The following MYO16 variants were observed in gnomAD, a reference collection of about 807,000 sequenced individuals.
The protein encoded by MYO16 is myosin XVI.
Under a neutral mutation model 205.3 loss-of-function variants are expected in MYO16, and 94 were observed. That is an observed-to-expected ratio of 0.46 (90% CI 0.39 to 0.54). MYO16 has a LOEUF of 0.54. MYO16 is among the 20% of genes least tolerant of loss of function. MYO16 has a pLI of 0.00. For synonymous variants in MYO16, 988 were observed against 954.0 expected (o/e 1.04, Z -0.66); for missense variants, 2,315 against 2,387.5 (o/e 0.97, Z 0.63).
intron 2 of MYO16, among the ~76,000 whole-genome samples, chr13:108,682,764 A>G (rs1174784011): frequency 6.6e-6 from 1 of 152,084 alleles, no homozygotes; most frequent in African/African-American, 2.4e-5. Flanking sequence ...AAGGGACAGT[A>G]AGATAGTGTC....
chr13:109,175,020 T>A (rs1270332318), intron 33 of MYO16, among the ~76,000 whole-genome samples: 1 of 151,986 alleles, frequency 6.6e-6, no homozygotes, highest in Non-Finnish European at 1.5e-5. Flanking sequence ...AAAGTGCTGG[T>A]ATTACAGGCG....
intron 2 of MYO16, among the ~76,000 whole-genome samples, chr13:108,707,145 C>T (rs748396430): frequency 2.0e-5 from 3 of 152,108 alleles, no homozygotes; most frequent in Non-Finnish European, 2.9e-5. Context: ...GCAGAGCACA[C>T]CAAAGCTCCA....
chr13:109,081,092 A>T (rs1888267997), intron 27 of MYO16, among the ~76,000 whole-genome samples: 1 of 152,170 alleles, frequency 6.6e-6, no homozygotes. Context: ...ACACACATAC[A>T]TAGACATATA....
At chr13:109,177,285 C>G (rs1383000036) in intron 33 of MYO16, among the ~76,000 whole-genome samples, 1 of 152,184 alleles carries the variant, frequency 6.6e-6, no homozygotes, top group Admixed American at 6.5e-5. Context: ...GGCCTCAGTG[C>G]CATTCTCACT....
At chr13:109,131,714 G>A (rs1234158824) in intron 31 of MYO16, among the ~76,000 whole-genome samples, 3 of 152,188 alleles carry the variant, frequency 2.0e-5, no homozygotes, top group Non-Finnish European at 4.4e-5. Context: ...TGCAAATAGT[G>A]GCTAGGAAAG....
chr13:108,984,226 G>C (rs879592153), intron 20 of MYO16, among the ~76,000 whole-genome samples: 3 of 152,114 alleles, frequency 2.0e-5, no homozygotes, highest in Non-Finnish European at 4.4e-5. Context: ...AGGAGAACTG[G>C]TAGGACCACT....
chr13:108,726,069 T>G (rs1875656390), intron 3 of MYO16, among the ~76,000 whole-genome samples: 1 of 152,160 alleles, frequency 6.6e-6, no homozygotes, highest in Admixed American at 6.6e-5. Context: ...GGTGGGTAAA[T>G]TTGTGTGCCA....
chr13:109,154,911 G>GAAGA (rs1877909552), intron 32 of MYO16, among the ~76,000 whole-genome samples: 1 of 62,666 alleles, frequency 1.6e-5, no homozygotes, highest in Non-Finnish European at 3.0e-5. Context: ...GGCTAATTAT[G>GAAGA]AAAAAAAAAA....
intron 5 of MYO16, among the ~76,000 whole-genome samples, chr13:108,793,140 G>T (rs550143542): frequency 1.3e-5 from 2 of 151,974 alleles, no homozygotes; most frequent in Non-Finnish European, 2.9e-5. Context: ...AAAAAAATTA[G>T]CCGGGCGCAG....
At chr13:108,795,199 C>CT (rs35009028) in intron 6 of MYO16, among the ~76,000 whole-genome samples, 107,452 of 146,836 alleles carry the variant, frequency 0.73, 39,381 homozygotes, top group East Asian at 0.86. Flanking sequence ...TTCTTACTTT[C>CT]TTTTTTTTTT....
At chr13:108,954,034 G>A (rs982444532) in intron 16 of MYO16, among the ~76,000 whole-genome samples, 6 of 152,158 alleles carry the variant, frequency 3.9e-5, no homozygotes, top group African/African-American at 1.2e-4. Context: ...TGCAACTACC[G>A]GGATTTCTTC....
At chr13:108,771,655 C>T (rs1355154369) in intron 4 of MYO16, among the ~76,000 whole-genome samples, 4 of 142,166 alleles carry the variant, frequency 2.8e-5, no homozygotes, top group African/African-American at 6.3e-5. Flanking sequence ...TTGATCACCA[C>T]CCGACCCATC....
intron 9 of MYO16, among the ~76,000 whole-genome samples, chr13:108,835,493 C>A (rs1288411357): frequency 1.3e-5 from 2 of 152,136 alleles, no homozygotes; most frequent in African/African-American, 4.8e-5. Context: ...TAAATATGTA[C>A]TGGGAGTGGG....
intron 1 of MYO16, among the ~76,000 whole-genome samples, chr13:108,636,369 T>TG (rs1186142611): frequency 1.9e-4 from 10 of 51,350 alleles, no homozygotes; most frequent in African/African-American, 5.2e-4. Flanking sequence ...TTTTTTTTTT[T>TG]TGTGTGTGTG....
At chr13:109,189,676 G>A (rs933274102) in intron 34 of MYO16, among the ~76,000 whole-genome samples, 7 of 152,006 alleles carry the variant, frequency 4.6e-5, no homozygotes, top group South Asian at 2.1e-4. Context: ...AGTCATACAG[G>A]GAAAAAATAG....
chr13:108,822,584 T>C (rs1051003163), intron 8 of MYO16, among the ~76,000 whole-genome samples: 9 of 152,180 alleles, frequency 5.9e-5, no homozygotes, highest in Non-Finnish European at 1.2e-4. Context: ...GTGTAATTTG[T>C]AAGGAAATAT....
At chr13:109,044,061 G>A (rs1886964361) in intron 23 of MYO16, among the ~76,000 whole-genome samples, 1 of 152,100 alleles carries the variant, frequency 6.6e-6, no homozygotes, top group African/African-American at 2.4e-5. Context: ...TGTGGCAGAT[G>A]CAAATGATAC....
the MYO16 span, among the ~76,000 whole-genome samples, chr13:108,577,691 C>T: frequency 6.6e-6 from 1 of 152,214 alleles, no homozygotes; most frequent in Admixed American, 6.5e-5. Context: ...AGTTGTCAGA[C>T]ACTTTGCACT....
intron 3 of MYO16, among the ~76,000 whole-genome samples, chr13:108,717,837 G>C (rs954672026): frequency 6.6e-6 from 1 of 152,090 alleles, no homozygotes; most frequent in African/African-American, 2.4e-5. Flanking sequence ...GGGAAAAGGG[G>C]ACCAGGTTTT....
Sources: allele counts gnomAD v4.1 joint callset (sites outside exome capture counted in the v4.1 genomes callset), GRCh38; gene constraint gnomAD v4.1.1; transcripts MANE v1.5; gene names NCBI Gene and HGNC (gene_info 2026-07-23, HGNC 2026-07-21).